The following SP4 variants were observed in gnomAD, a reference collection of about 807,000 sequenced individuals.
SP4 encodes the protein Sp4 transcription factor.
A neutral mutation model predicts 72.8 loss-of-function variants in SP4; 19 were observed. The ratio of observed to expected loss-of-function variants is 0.26; its 90% CI spans 0.18 to 0.38. SP4 has a LOEUF of 0.38. SP4 is among the 10% of genes least tolerant of loss of function. The pLI is 1.00. For missense variants in SP4, 1,008 were observed against 926.3 expected (o/e 1.09, Z -1.14); for synonymous variants, 395 against 333.1 (o/e 1.19, Z -2.02).
chr7:21,512,217 C>T lies in SP4; in HGVS notation c.*948C>T, dbSNP rs1320274562. ...AGTTATGTTGACAATGTGCAGAATT[C>T]TTTATGCTTTGATGTGGTAGCCAAA... On this transcript the variant is annotated 3_prime_UTR_variant, in exon 6 of 6. Coordinates refer to ENST00000222584, the MANE Select transcript of SP4 (RefSeq NM_003112.5). The T allele has an allele frequency of 6.6e-6, 1 of 152,506 alleles. No homozygotes were observed. The highest frequency in any genetic ancestry group is 2.4e-5 in the African/African-American group (1 of 41,406). The allele number at this position is 152,506 out of a possible 1,614,324, so 9.4% of individuals were successfully genotyped here. A position where few individuals can be genotyped will look rare whatever the true frequency, so the allele number is the denominator to read the frequency against.
intron 3 of SP4, among the ~76,000 whole-genome samples, chr7:21,458,072 A>G (rs1783828139): frequency 6.6e-6 from 1 of 152,184 alleles, no homozygotes; most frequent in African/African-American, 2.4e-5. Context: ...TCATGTATTA[A>G]AAGGATTTGG....
At chr7:21,459,147 G>A (rs941742065) in intron 3 of SP4, among the ~76,000 whole-genome samples, 4 of 146,394 alleles carry the variant, frequency 2.7e-5, no homozygotes, top group African/African-American at 1.0e-4. Context: ...TTGAGTGAGA[G>A]TCTCACTCTG....
At chr7:21,452,241 TA>T (rs1783623638) in intron 3 of SP4, among the ~76,000 whole-genome samples, 3 of 152,264 alleles carry the variant, frequency 2.0e-5, no homozygotes, top group Admixed American at 2.0e-4. Flanking sequence ...AGTTCTGTTA[TA>T]CTTGGCCTAA....
chr7:21,429,243 A>G (rs1583365555), intron 2 of SP4, 46 bp from the exon 3 acceptor site: 1 of 1,091,806 alleles, frequency 9.2e-7, no homozygotes, highest in Non-Finnish European at 1.3e-6. Context: ...AAATCCGCCC[A>G]CTTTTTTTCC....
chr7:21,498,700 G>A (rs1781786334), intron 5 of SP4, among the ~76,000 whole-genome samples: 1 of 152,194 alleles, frequency 6.6e-6, no homozygotes, highest in Admixed American at 6.5e-5. Context: ...ATAGCCTGCT[G>A]TTGACTAGAA....
intron 4 of SP4, 80 bp from the exon 5 acceptor site, chr7:21,481,844 C>T (rs1309154617): frequency 2.0e-6 from 2 of 1,018,424 alleles, no homozygotes; most frequent in African/African-American, 1.6e-5. Context: ...ATTTAATTAC[C>T]TTGATTCTTT....
intron 3 of SP4, among the ~76,000 whole-genome samples, chr7:21,457,950 T>C (rs565266539): frequency 8.3e-4 from 126 of 152,332 alleles, no homozygotes; most frequent in African/African-American, 2.9e-3. Context: ...ATTTTAGAAA[T>C]AGTAACATAG....
intron 5 of SP4, among the ~76,000 whole-genome samples, chr7:21,492,748 A>G (rs1007948225): frequency 2.0e-5 from 3 of 152,230 alleles, no homozygotes; most frequent in African/African-American, 7.2e-5. Flanking sequence ...GACATTTTTT[A>G]AAAAGGATCC....
intron 3 of SP4, among the ~76,000 whole-genome samples, chr7:21,448,505 A>G (rs548473975): frequency 6.6e-6 from 1 of 152,332 alleles, no homozygotes; most frequent in African/African-American, 2.4e-5. Context: ...GAAAATAGAA[A>G]TGGACAAGAA....
At chr7:21,510,606 A>T (rs1782117101) in intron 5 of SP4, among the ~76,000 whole-genome samples, 1 of 152,232 alleles carries the variant, frequency 6.6e-6, no homozygotes, top group African/African-American at 2.4e-5. Flanking sequence ...AAGATATTTC[A>T]TGCCTCCAAG....
chr7:21,461,998 T>C (rs955715415), intron 3 of SP4, among the ~76,000 whole-genome samples: 1 of 151,872 alleles, frequency 6.6e-6, no homozygotes, highest in African/African-American at 2.4e-5. Flanking sequence ...GACAGGAAGT[T>C]TCATTTATAA....
At position 21,429,321 on chromosome 7, in the gene SP4, A is replaced by C; in HGVS notation, c.156A>C (p.Ala52=). 1.3e-6 allele frequency: 2 copies of C among 1,595,754 alleles called. No individual in the cohort carries two copies. The highest frequency in any genetic ancestry group is 1.7e-6 in the Non-Finnish European group (2 of 1,170,182). Residue 52 remains alanine (A), a synonymous_variant, in exon 3 of 6, where the codon GCA becomes GCC. Coordinates refer to ENST00000222584, the MANE Select transcript of SP4 (RefSeq NM_003112.5). ...AGCCCTCTCCTCTGGCTTTACTGGCAGCTACTTGCAGCAAAATAGGGACTC... is the reference window on the plus strand; with the variant it reads ...AGCCCTCTCCTCTGGCTTTACTGGCCGCTACTTGCAGCAAAATAGGGACTC... ...DSQPSPLALL[A]ATCSKIGTPG...
rs976876682 is a variant in SP4 at position 21,498,804 on chromosome 7, G to A, written c.2108-12218G>A. ...GTAAACTAGAGAAAAGAAATCGTTA[G>A]GCCGGGTGCGGTGGCTCACGCCTGT... On this transcript the variant is annotated intron_variant, in intron 5 of 5. Transcript: ENST00000222584. Among the ~76,000 whole-genome samples the A allele has an allele frequency of 3.3e-5, 5 of 152,284 alleles. No individual in the cohort carries two copies. In the East Asian group the frequency reaches 9.6e-4, roughly 29 times the overall value.
intron 5 of SP4, among the ~76,000 whole-genome samples, chr7:21,491,041 G>A (rs758883328): frequency 3.3e-5 from 5 of 152,124 alleles, no homozygotes; most frequent in Admixed American, 6.5e-5. Flanking sequence ...TATGAGCCAC[G>A]TAAAGCTGAC....
chr7:21,465,710 A>G (rs910098287), intron 3 of SP4, among the ~76,000 whole-genome samples: 1 of 152,256 alleles, frequency 6.6e-6, no homozygotes, highest in South Asian at 2.1e-4. Flanking sequence ...TTGTCACAAT[A>G]AAAAATTTAG....
intron 3 of SP4, among the ~76,000 whole-genome samples, chr7:21,431,194 C>T (rs890321873): frequency 1.3e-5 from 2 of 152,170 alleles, no homozygotes; most frequent in African/African-American, 4.8e-5. Context: ...ATATTTATCT[C>T]TTCTTTGAGG....
At chr7:21,480,458 G>A (rs923328359) in intron 4 of SP4, among the ~76,000 whole-genome samples, 2 of 152,038 alleles carry the variant, frequency 1.3e-5, no homozygotes, top group Non-Finnish European at 2.9e-5. Context: ...TTAGTATTTT[G>A]GTCCGTATTT....
At chr7:21,487,226 G>A (rs1046976534) in intron 5 of SP4, among the ~76,000 whole-genome samples, 15 of 152,022 alleles carry the variant, frequency 9.9e-5, no homozygotes, top group East Asian at 1.9e-4. Flanking sequence ...TGTTTTTAAC[G>A]CTAAGGGCGC....
chr7:21,438,032 A>G (rs1783108035), intron 3 of SP4, among the ~76,000 whole-genome samples: 1 of 148,956 alleles, frequency 6.7e-6, no homozygotes. Flanking sequence ...ACGTAGTTCT[A>G]TAATTTTGTT....
Sources: gnomAD v4.1 joint callset for allele counts (sites outside exome capture counted in the v4.1 genomes callset) on GRCh38, gnomAD v4.1.1 for gene constraint, MANE v1.5 for transcripts, NCBI Gene and HGNC (gene_info 2026-07-23, HGNC 2026-07-21) for gene names.